The following MACF1 variants were observed in gnomAD, a reference collection of about 807,000 sequenced individuals.
The protein encoded by MACF1 is microtubule actin crosslinking factor 1.
Under a neutral mutation model 854.8 loss-of-function variants are expected in MACF1, and 193 were observed. The ratio of observed to expected loss-of-function variants is 0.23; its 90% CI spans 0.20 to 0.25. The LOEUF is 0.25. MACF1 is among the 10% of genes least tolerant of loss of function. MACF1 has a pLI of 1.00. For synonymous variants in MACF1, 3,185 were observed against 3,226.7 expected, an observed-to-expected ratio of 0.99 and a Z score of 0.44; for missense variants, 7,722 against 8,929.1, an observed-to-expected ratio of 0.86 and a Z score of 5.45.
chr1:39,171,775 G>A (rs1298808986), intron 2 of MACF1, among the ~76,000 whole-genome samples: 1 of 152,052 alleles, frequency 6.6e-6, no homozygotes, highest in Admixed American at 6.5e-5. Flanking sequence ...ACAGGCACCC[G>A]CCACCACGCC....
chr1:39,131,561 C>T (rs1643006672), intron 2 of MACF1, among the ~76,000 whole-genome samples: 1 of 152,102 alleles, frequency 6.6e-6, no homozygotes, highest in East Asian at 1.9e-4. Flanking sequence ...ACCTTGAGAG[C>T]TGCGAGAACA....
intron 38 of MACF1, among the ~76,000 whole-genome samples, chr1:39,340,287 G>A (rs992570786): frequency 6.6e-6 from 1 of 152,098 alleles, no homozygotes. Context: ...AAGCAATGAG[G>A]CATCTCTTCT....
At chr1:39,315,837 C>G (rs942392989) in intron 27 of MACF1, 146 bp downstream of exon 27, 1 of 733,982 alleles carries the variant, frequency 1.4e-6, no homozygotes, top group African/African-American at 1.8e-5. Flanking sequence ...GGCTTCAGTT[C>G]CTAGTAACAT....
chr1:39,271,353 C>T (rs1191938276), intron 6 of MACF1, among the ~76,000 whole-genome samples: 1 of 152,122 alleles, frequency 6.6e-6, no homozygotes, highest in Non-Finnish European at 1.5e-5. Context: ...GGATGTGCCA[C>T]ACACTTTTAA....
intron 58 of MACF1, among the ~76,000 whole-genome samples, chr1:39,399,377 T>C (rs1391884673): frequency 2.7e-5 from 4 of 145,848 alleles, no homozygotes; most frequent in Non-Finnish European, 4.5e-5. Flanking sequence ...AAAGCTTTTT[T>C]TTTTTTTTTT....
chr1:39,100,194 G>A (rs768987546), intron 2 of MACF1, among the ~76,000 whole-genome samples: 5 of 152,118 alleles, frequency 3.3e-5, no homozygotes, highest in Non-Finnish European at 5.9e-5. Flanking sequence ...TTGTGCCACC[G>A]CACTCCAGCC....
intron 97 of MACF1, among the ~76,000 whole-genome samples, chr1:39,477,055 A>G (rs1195652413): frequency 3.8e-4 from 6 of 15,960 alleles, no homozygotes; most frequent in African/African-American, 3.3e-4. Flanking sequence ...GTATATATAT[A>G]TATATATATA....
chr1:39,224,616 G>A (rs2148294920), intron 1 of MACF1, among the ~76,000 whole-genome samples: 1 of 152,278 alleles, frequency 6.6e-6, no homozygotes, highest in Admixed American at 6.5e-5. Flanking sequence ...TGAAGTCTGA[G>A]TGTTGTCATC....
At position 39,434,611 on chromosome 1, in the gene MACF1, G is replaced by A. The variant is rs1361607249; in HGVS notation, c.17763G>A (p.Arg5921=). ...CAGCCATTGATCATGAGCAGCTCAG[G>A]CAGCAACAAGAGGAAATGAGGGTAA... ...PSPAIDHEQL[R]QQQEEMRQLR... The change falls in exon 69 of 101, where the codon AGG becomes AGA. Residue 5921 remains arginine, a synonymous_variant. Transcript: ENST00000564288. 2 of 1,614,094 alleles carry A rather than the reference G, an allele frequency of 1.2e-6. No individual in the cohort carries two copies. The highest frequency in any genetic ancestry group is 1.7e-5 in the Admixed American group (1 of 60,014).
At chr1:39,337,777 GT>G (rs1270757750) in intron 38 of MACF1, among the ~76,000 whole-genome samples, 9 of 136,830 alleles carry the variant, frequency 6.6e-5, no homozygotes, top group East Asian at 6.4e-4. Context: ...GTGTGTGTGT[GT>G]TTTTTTTTTG....
intron 29 of MACF1, 74 bp from the exon 30 acceptor site, chr1:39,318,371 TGGGTTAAA>T: frequency 7.8e-7 from 1 of 1,274,298 alleles, no homozygotes; most frequent in Non-Finnish European, 1.1e-6. Flanking sequence ...GCTGGATACA[TGGGTTAAA>T]GAGGGAATTA....
Position 39,282,365 on chromosome 1 carries a change from A to G in MACF1, c.686A>G (p.His229Arg). Residue 229 changes from histidine (H) to arginine (R), a missense_variant, in exon 7 of 101, where the codon CAC becomes CGC. Around this residue, in one of 15 missense-constraint regions of MACF1, gnomAD observed 108 missense variants for 196.4 expected, o/e 0.55. Coordinates refer to ENST00000564288, the MANE Select transcript of MACF1 (RefSeq NM_001394062.1). ...GGGAAGATGTTCAATGCACTCATTC[A>G]CCGATACCGGTAAGAACAGTGGAAT... ...SDGKMFNALIHRYRPDLVDME... is the reference protein window; with the variant it reads ...SDGKMFNALIRRYRPDLVDME... 1 of 1,613,834 alleles carries G rather than the reference A, an allele frequency of 6.2e-7. No homozygotes were observed. Among genetic ancestry groups the G allele is most frequent in the African/African-American group, 1.3e-5 (1 of 75,034 alleles).
intron 1 of MACF1, among the ~76,000 whole-genome samples, chr1:39,228,082 G>A (rs146688398): frequency 0.023 from 3,512 of 152,238 alleles, 83 homozygotes; most frequent in East Asian, 0.13. Flanking sequence ...AGGCCAACGC[G>A]GGTGGATCAC....
chr1:39,411,190 C>T (rs372307755), intron 58 of MACF1: 9 of 1,613,702 alleles, frequency 5.6e-6, no homozygotes, highest in Non-Finnish European at 6.8e-6. Flanking sequence ...TCTCATAACC[C>T]CCAGCCTGAG....
In MACF1 at chr1:39,289,287, A is replaced by G. The variant is rs546123425; in HGVS notation, c.1785+1725A>G. Among the ~76,000 whole-genome samples the G allele has an allele frequency of 4.4e-4, 67 of 152,264 alleles. 1 individual carries two copies. Among genetic ancestry groups the G allele is most frequent in the South Asian group, 2.9e-3 (14 of 4,820 alleles). On this transcript the variant is annotated intron_variant, in intron 15 of 100. Coordinates refer to ENST00000564288, the MANE Select transcript of MACF1 (RefSeq NM_001394062.1). ...GATTGCTGGATCATACAGTAGCTCT[A>G]TTGTTAGTGATTTGAGGAACCTCCA...
At chr1:39,388,838 G>A (rs570199982) in intron 58 of MACF1, among the ~76,000 whole-genome samples, 180 bp downstream of exon 58, 1 of 145,112 alleles carries the variant, frequency 6.9e-6, no homozygotes, top group Non-Finnish European at 1.5e-5. Context: ...AAACTGGTTT[G>A]AGCATTTTTC....
intron 38 of MACF1, among the ~76,000 whole-genome samples, chr1:39,338,744 C>G (rs1211299107): frequency 6.6e-6 from 1 of 152,162 alleles, no homozygotes; most frequent in Non-Finnish European, 1.5e-5. Context: ...GAGCTATATC[C>G]TTGCTCCCGC....
At chr1:39,138,321 C>T (rs992620598) in intron 2 of MACF1, among the ~76,000 whole-genome samples, 1 of 151,694 alleles carries the variant, frequency 6.6e-6, no homozygotes, top group East Asian at 2.0e-4. Flanking sequence ...CGGTGGCTCA[C>T]GCCTGTAATC....
intron 2 of MACF1, among the ~76,000 whole-genome samples, chr1:39,172,042 A>G (rs1643956832): frequency 6.6e-6 from 1 of 151,050 alleles, no homozygotes; most frequent in South Asian, 2.1e-4. Context: ...TACGGTGGAA[A>G]CCTCCCTGAG....
Sources: allele counts gnomAD v4.1 joint callset (sites outside exome capture counted in the v4.1 genomes callset), GRCh38; gene constraint gnomAD v4.1.1; regional missense constraint gnomAD v4.1.1; transcripts MANE v1.5; gene names NCBI Gene and HGNC (gene_info 2026-07-23, HGNC 2026-07-21).